The following ZFYVE26 variants were observed in gnomAD, a reference collection of about 807,000 sequenced individuals.
ZFYVE26 encodes zinc finger FYVE-type containing 26.
Under a neutral mutation model 276.5 loss-of-function variants are expected in ZFYVE26, and 181 were observed. The ratio of observed to expected loss-of-function variants is 0.65; its 90% CI spans 0.58 to 0.74. The LOEUF is 0.74. Among genes scored for constraint, ZFYVE26 ranks in the 30% least tolerant of loss-of-function variants. ZFYVE26 has a pLI of 0.00. For missense variants in ZFYVE26, 2,821 were observed against 3,097.9 expected (o/e 0.91, Z 2.12); for synonymous variants, 1,129 against 1,203.1 (o/e 0.94, Z 1.27).
At chr14:67,804,078 C>G in intron 9 of ZFYVE26, 23 bp downstream of exon 9, 1 of 1,613,586 alleles carries the variant, frequency 6.2e-7, no homozygotes, top group South Asian at 1.1e-5. Flanking sequence ...AAATCCTGGC[C>G]AGGTCATTCC....
At position 67,748,448 on chromosome 14, in the gene ZFYVE26, G is replaced by A. The variant is rs748003139; in HGVS notation, c.7608C>T (p.Gly2536=). ...TSHPRGAHGP[G]SRK ...CCACTGCCCAAGGTCACTTCCTGGA[G>A]CCTGGGCCATGGGCACCCCGGGGGT... The change falls in exon 42 of 42, where the codon GGC becomes GGT. Residue 2536 remains glycine (G), a synonymous_variant. Coordinates refer to ENST00000347230, the MANE Select transcript of ZFYVE26 (RefSeq NM_015346.4). 1.4e-5 allele frequency: 22 copies of A among 1,612,212 alleles called. No individual in the cohort carries two copies. The highest frequency in any genetic ancestry group is 1.9e-5 in the Non-Finnish European group (22 of 1,179,858).
At chr14:67,812,963 C>T (rs983300128) in intron 3 of ZFYVE26, among the ~76,000 whole-genome samples, 2 of 152,148 alleles carry the variant, frequency 1.3e-5, no homozygotes, top group African/African-American at 2.4e-5. Context: ...TCTTTCTTCT[C>T]GCTCCTACTA....
rs1346418518 is a variant in ZFYVE26, at chr14:67,782,998, T to C, written c.4154A>G (p.Gln1385Arg). The change falls in exon 21 of 42, where the codon CAG (glutamine) becomes CGG (arginine). Residue 1385 changes from glutamine (Q) to arginine (R), a missense_variant. By Grantham distance (43) the Gln-to-Arg change is conservative. Transcript: ENST00000347230. ...ACCACAGAGATTCACTGCCAGACTC[T>C]GCCCCTGCTGCAAAGACCCTCGCAG... ...EPLRGSLQQG[Q>R]SLAVNLCGWA... The C allele has an allele frequency of 6.2e-7, 1 of 1,614,104 alleles. No individual in the cohort carries two copies. Among genetic ancestry groups the C allele is most frequent in the Non-Finnish European group, 8.5e-7 (1 of 1,180,048 alleles).
At chr14:67,737,088 CTTTTTTTTTTT>C (rs71129855) in intron 13 of ZFYVE26, among the ~76,000 whole-genome samples, 3 of 104,808 alleles carry the variant, frequency 2.9e-5, no homozygotes, top group Non-Finnish European at 5.8e-5. Context: ...TTTTTCTTTT[CTTTTTTTTTTT>C]TTTTTTTTCG....
rs1453400592 is a variant in ZFYVE26 at position 67,807,576 on chromosome 14, C to T, written c.708G>A (p.Leu236=). The change falls in exon 5 of 42, where the codon TTG becomes TTA. Residue 236 remains leucine (L), a synonymous_variant. Transcript: ENST00000347230. ...CTAGTAGTTCCTCACACAGGAGATGCAACTCAACCCCAAGTGGTTCTGCGG... is the reference window on the plus strand; with the variant it reads ...CTAGTAGTTCCTCACACAGGAGATGTAACTCAACCCCAAGTGGTTCTGCGG... ...RCPAEPLGVE[L]HLLCEELLEA... 13 of 1,614,220 alleles carry T rather than the reference C, an allele frequency of 8.1e-6. No homozygotes were observed. Among genetic ancestry groups the T allele is most frequent in the Middle Eastern group, 1.6e-4 (1 of 6,062 alleles).
chr14:67,779,343 AC>A (rs2039434941), intron 23 of ZFYVE26, among the ~76,000 whole-genome samples: 2 of 152,310 alleles, frequency 1.3e-5, no homozygotes, highest in South Asian at 4.1e-4. Context: ...TGGGCAGATC[AC>A]TTGAGGTCAG....
At chr14:67,778,289 T>C (rs1431885098) in intron 23 of ZFYVE26, 41 bp from the exon 24 acceptor site, 10 of 1,613,774 alleles carry the variant, frequency 6.2e-6, no homozygotes, top group Non-Finnish European at 8.5e-6. Context: ...TTTACATGAC[T>C]GCCTGATTCT....
rs756277394 is a variant in ZFYVE26 at position 67,767,812 on chromosome 14, A to G, written c.5682T>C (p.Pro1894=). 2 of 1,614,126 alleles carry G rather than the reference A, an allele frequency of 1.2e-6. No homozygotes were observed. Among genetic ancestry groups the G allele is most frequent in the Non-Finnish European group, 8.5e-7 (1 of 1,180,032 alleles). ...GGACTCTCACCACAAACGAGTATGG[A>G]GGGCTTTCATTCTTGGAGCTGTCTA... ...EALDSSKNES[P]PYSFVVRVPK... The change falls in exon 31 of 42, where the codon CCT becomes CCC. Residue 1894 remains proline, a synonymous_variant. Coordinates refer to ENST00000347230, the MANE Select transcript of ZFYVE26 (RefSeq NM_015346.4).
exon 14 of ZFYVE26, chr14:67,729,351 C>T: frequency 6.3e-7 from 1 of 1,598,160 alleles, no homozygotes. Context: ...TGGCTGAGGG[C>T]CTGGAGCCCC....
Position 67,778,236 on chromosome 14 carries a change from A to G in ZFYVE26, c.4687T>C (p.Cys1563Arg). Residue 1563 changes from cysteine (C) to arginine (R), a missense_variant, in exon 24 of 42, where the codon TGT (cysteine) becomes CGT (arginine). Physicochemically the swap from Cys to Arg is radical, Grantham distance 180 (BLOSUM62 -3). Transcript: ENST00000347230. The part of the protein sequence containing the change: ...MILEAQEYEL[C>R]EEWGCLYPIP... ...GGGTACAGGCAGCCCCACTCTTCAC[A>G]CAGTTCATACTCCTGGAAGGAAACA... The G allele has an allele frequency of 6.2e-7, 1 of 1,614,142 alleles. No homozygotes were observed. Among genetic ancestry groups the G allele is most frequent in the Non-Finnish European group, 8.5e-7 (1 of 1,180,006 alleles).
chr14:67,749,736 C>T (rs1044564045), intron 41 of ZFYVE26, among the ~76,000 whole-genome samples: 1 of 152,176 alleles, frequency 6.6e-6, no homozygotes, highest in African/African-American at 2.4e-5. Flanking sequence ...TAAAGTGATC[C>T]AGTCCTGTGC....
At chr14:67,765,933 T>G (rs1166345120) in intron 32 of ZFYVE26, among the ~76,000 whole-genome samples, 1 of 152,162 alleles carries the variant, frequency 6.6e-6, no homozygotes, top group Non-Finnish European at 1.5e-5. Flanking sequence ...TACATTGACT[T>G]TAATGACAAA....
rs746243421 is a variant in ZFYVE26, at chr14:67,756,030, C to T, written c.6704G>A (p.Gly2235Glu). The stretch of plus-strand genomic sequence containing the variant: ...TTGGCAGGCAGCAATCAAGTACTTT[C>T]CCCAGCTCTCCAAGGTTGGATCAAT... ...ESIDPTLESW[G>E]KYLIAACQHL... The change falls in exon 36 of 42, where the codon GGA becomes GAA. Residue 2235 changes from glycine to glutamate, a missense_variant. Gly to Glu is a moderately conservative substitution (Grantham distance 98, BLOSUM62 -2). Coordinates refer to ENST00000347230, the MANE Select transcript of ZFYVE26 (RefSeq NM_015346.4). 5 of 1,614,126 alleles carry T rather than the reference C, an allele frequency of 3.1e-6. No homozygotes were observed. The highest frequency in any genetic ancestry group is 4.2e-6 in the Non-Finnish European group (5 of 1,180,050).
rs1192782804 is a variant in ZFYVE26, at chr14:67,815,771, T to G, written c.193A>C (p.Arg65=). Residue 65 remains arginine, a splice_region_variant and synonymous_variant, in exon 2 of 42, where the codon AGA becomes CGA. Transcript: ENST00000347230. ...QALVVCPNLL[R]CGQDINPQRV... ...CTGGTAGGAAAAGAGATCCCTTACC[T>G]CAGCAGATTTGGACACACCACCAAT... The G allele has an allele frequency of 6.2e-7, 1 of 1,612,920 alleles. No individual in the cohort carries two copies. Among genetic ancestry groups the G allele is most frequent in the Non-Finnish European group, 8.5e-7 (1 of 1,180,016 alleles).
At chr14:67,729,232 C>A in exon 14 of ZFYVE26, 5 of 1,611,396 alleles carry the variant, frequency 3.1e-6, no homozygotes, top group Non-Finnish European at 3.4e-6. Context: ...AGGCGTCGTC[C>A]GCTCTGAGCT....
At chr14:67,740,202 C>T (rs2038399658) in intron 13 of ZFYVE26, among the ~76,000 whole-genome samples, 1 of 152,158 alleles carries the variant, frequency 6.6e-6, no homozygotes, top group Admixed American at 6.5e-5. Flanking sequence ...TTAATAAAAT[C>T]ACTATGTTGT....
At chr14:67,809,104 C>A in intron 4 of ZFYVE26, 96 bp downstream of exon 4, 1 of 1,067,956 alleles carries the variant, frequency 9.4e-7, no homozygotes, top group Non-Finnish European at 1.5e-6. Flanking sequence ...AAAGTATGGG[C>A]AACATCTTGG....
chr14:67,761,450 G>C lies in ZFYVE26; in HGVS notation c.6504C>G (p.His2168Gln), dbSNP rs756672030. The C allele has an allele frequency of 2.5e-6, 4 of 1,614,084 alleles. No homozygotes were observed. Among genetic ancestry groups the C allele is most frequent in the Non-Finnish European group, 3.4e-6 (4 of 1,180,038 alleles). The change falls in exon 35 of 42, where the codon CAC becomes CAG. Residue 2168 changes from histidine to glutamine, a missense_variant. His to Gln is a conservative substitution (Grantham distance 24). Transcript: ENST00000347230. ...TYYQECLFYL[H>Q]NYSTNLAIIS... ...TGATGGCCAGGTTGGTGCTATAGTT[G>C]TGCAGGTAGAAGAGGCATTCCTGGT...
intron 3 of ZFYVE26, among the ~76,000 whole-genome samples, chr14:67,812,692 T>A (rs1270902810): frequency 2.0e-5 from 3 of 152,222 alleles, no homozygotes; most frequent in Admixed American, 2.0e-4. Context: ...CCTGACATAG[T>A]TGAGCAACTG....
Sources: gnomAD v4.1 joint callset for allele counts (sites outside exome capture counted in the v4.1 genomes callset) on GRCh38, gnomAD v4.1.1 for gene constraint, MANE v1.5 for transcripts, NCBI Gene and HGNC (gene_info 2026-07-23, HGNC 2026-07-21) for gene names.